FN1: variants seen among roughly 807,000 people sequenced by gnomAD.
FN1 encodes the protein fibronectin 1, also known as fibronectin.
FN1 carries 106 observed loss-of-function variants against 297.3 expected under a neutral mutation model. The ratio of observed to expected loss-of-function variants is 0.36; its 90% CI spans 0.30 to 0.42. The LOEUF (loss-of-function observed/expected upper bound fraction) is 0.42, where lower values mean the gene tolerates loss of function less well. Ranked by LOEUF, FN1 falls within the 10% of genes least tolerant of loss-of-function variation. The pLI is 1.00. For synonymous variants in FN1, 1,149 were observed against 1,152.6 expected, an observed-to-expected ratio of 1.00 and a Z score of 0.06; for missense variants, 2,690 against 3,124.9, an observed-to-expected ratio of 0.86 and a Z score of 3.32.
At position 215,379,189 on chromosome 2, in the gene FN1, G is replaced by C; in HGVS notation, c.5563C>G (p.Pro1855Ala). 1 of 1,613,960 alleles carries C rather than the reference G, an allele frequency of 6.2e-7. No homozygotes were observed. ...GGAGCAAGGTTGATTTCTTTCATTG[G>C]TCCGGTCTTCTCCTTGGGGGTCACC... The part of the protein sequence containing the change: ...VRVTPKEKTG[P>A]MKEINLAPDS... Residue 1855 changes from proline to alanine, a missense_variant, in exon 34 of 46, where the codon CCA (proline) becomes GCA (alanine). Transcript: ENST00000354785.
At chr2:215,401,422 A>T (rs2106209635) in intron 20 of FN1, among the ~76,000 whole-genome samples, 1 of 152,334 alleles carries the variant, frequency 6.6e-6, no homozygotes, top group South Asian at 2.1e-4. Context: ...AAATCTTATT[A>T]TAAATGTAGA....
intron 14 of FN1, 86 bp from the exon 15 acceptor site, chr2:215,409,825 T>G (rs761897592): frequency 1.3e-6 from 2 of 1,591,266 alleles, no homozygotes; most frequent in Admixed American, 1.7e-5. Context: ...TTAAAAAACG[T>G]TGGTGCCCCT....
intron 42 of FN1, among the ~76,000 whole-genome samples, chr2:215,366,153 A>T (rs1020544169): frequency 6.6e-6 from 1 of 151,820 alleles, no homozygotes; most frequent in Admixed American, 6.6e-5. Context: ...TTAAAATATT[A>T]TTTTTTATCA....
rs752546438 is a variant in FN1 at position 215,428,360 on chromosome 2, T to C, written c.686-22A>G. 10 of 1,612,334 alleles carry C rather than the reference T, an allele frequency of 6.2e-6. No individual in the cohort carries two copies. The South Asian group carries it at 1.1e-4, about 18-fold the overall frequency. ...CTATCTGTGTCACAAAGGAAGCACA[T>C]ACATACATCAGGTCGAGAGTCGCAA... On this transcript the variant is annotated intron_variant, in intron 5 of 45. Coordinates refer to ENST00000354785, the MANE Select transcript of FN1 (RefSeq NM_212482.4).
At position 215,365,608 on chromosome 2, in the gene FN1, C is replaced by G. The variant is rs764525665; in HGVS notation, c.7041G>C (p.Val2347=). 3 of 1,614,042 alleles carry G rather than the reference C, an allele frequency of 1.9e-6. No individual in the cohort carries two copies. Among genetic ancestry groups the G allele is most frequent in the Non-Finnish European group, 2.5e-6 (3 of 1,179,952 alleles). The change falls in exon 43 of 46, where the codon GTG becomes GTC. Residue 2347 remains valine, a synonymous_variant. Coordinates refer to ENST00000354785, the MANE Select transcript of FN1 (RefSeq NM_212482.4). ...CCCACTTCTCTCCAATCTTGTAGTT[C>G]ACACCATTGTCATGGCACCATCCTG... ...DSSRWCHDNG[V]NYKIGEKWDR...
rs750242501 is a variant in FN1 at position 215,425,276 on chromosome 2, G to C, written c.854C>G (p.Pro285Arg). ...AACAGCTGCACGAACATCGGTGAAG[G>C]GGCCAGATCCTAATGGCATGAAAAG... ...SVQTTSSGSGPFTDVRAAVYQ... is the reference protein window; with the variant it reads ...SVQTTSSGSGRFTDVRAAVYQ... Residue 285 changes from proline (P) to arginine (R), a missense_variant, in exon 7 of 46, where the codon CCC becomes CGC. Physicochemically the swap from Pro to Arg is moderately radical, Grantham distance 103. Coordinates refer to ENST00000354785, the MANE Select transcript of FN1 (RefSeq NM_212482.4). The C allele has an allele frequency of 1.9e-6, 3 of 1,614,070 alleles. No homozygotes were observed. Among genetic ancestry groups the C allele is most frequent in the East Asian group, 2.2e-5 (1 of 44,878 alleles).
chr2:215,409,130 G>A (rs1234500205), intron 15 of FN1, among the ~76,000 whole-genome samples: 3 of 152,070 alleles, frequency 2.0e-5, no homozygotes, highest in African/African-American at 7.2e-5. Context: ...CACTTTATAA[G>A]AATTCAAATT....
At position 215,361,317 on chromosome 2, in the gene FN1, A is replaced by G. The variant is rs2053400747; in HGVS notation, c.*238T>C. On this transcript the variant is annotated 3_prime_UTR_variant, in exon 46 of 46. Coordinates refer to ENST00000354785, the MANE Select transcript of FN1 (RefSeq NM_212482.4). ...CACTTCATTTAAAATACTGAGCGGT[A>G]TTGAATACTTCGAAGCAGAACAGGC... 5.6e-6 allele frequency: 3 copies of G among 533,890 alleles called. No individual in the cohort carries two copies. The South Asian group carries it at 6.2e-5, about 11-fold the overall frequency. The allele number at this position is 533,890 out of a possible 1,614,324, so 33.1% of individuals were successfully genotyped here.
In FN1 at chr2:215,435,859, C is replaced by T. The variant is rs2067394355; in HGVS notation, c.-57G>A. Reference sequence around the variant, plus strand: ...GGGAGGCAAGTTGCCACCAAGTTTGCTTCCCTTCGCAACCTGCGGGAAAAA... The same window carrying T: ...GGGAGGCAAGTTGCCACCAAGTTTGTTTCCCTTCGCAACCTGCGGGAAAAA... On this transcript the variant is annotated 5_prime_UTR_variant, in exon 1 of 46. Transcript: ENST00000354785. The T allele has an allele frequency of 6.7e-7, 1 of 1,499,808 alleles. No homozygotes were observed. Among genetic ancestry groups the T allele is most frequent in the Non-Finnish European group, 8.9e-7 (1 of 1,126,664 alleles). The allele number at this position is 1,499,808 out of a possible 1,614,324, so 92.9% of individuals were successfully genotyped here. A position where few individuals can be genotyped will look rare whatever the true frequency, so the allele number is the denominator to read the frequency against.
chr2:215,362,107 T>C (rs549165594), intron 44 of FN1, 28 bp from the exon 45 acceptor site: 2 of 1,542,644 alleles, frequency 1.3e-6, no homozygotes, highest in Admixed American at 1.7e-5. Flanking sequence ...TGAAGTCAAA[T>C]GGGGTTTATG....
chr2:215,392,222 T>A (rs543472488), intron 25 of FN1: 4 of 223,540 alleles, frequency 1.8e-5, no homozygotes, highest in Non-Finnish European at 2.7e-5. Flanking sequence ...GGTCCTAAAC[T>A]TCCCCCCATG....
At chr2:215,400,159 G>A (rs2060824793) in intron 20 of FN1, among the ~76,000 whole-genome samples, 1 of 151,588 alleles carries the variant, frequency 6.6e-6, no homozygotes, top group African/African-American at 2.4e-5. Flanking sequence ...TTGCACTCCA[G>A]CCTGGGTGAC....
rs1210562490 is a variant in FN1, at chr2:215,372,094, T to C, written c.6529A>G (p.Ile2177Val). ...ACATCTTCCCTGGGGATGTGACCAA[T>C]TTGGATTTCCTCACCTACATTCGGC... ...YPPNVGEEIQ[I>V]GHIPREDVDY... is the part of the protein sequence containing the mutation. Residue 2177 changes from isoleucine to valine, a missense_variant, in exon 40 of 46, where the codon ATT becomes GTT. Coordinates refer to ENST00000354785, the MANE Select transcript of FN1 (RefSeq NM_212482.4). 6.2e-7 allele frequency: 1 copy of C among 1,614,212 alleles called. No individual in the cohort carries two copies. The highest frequency in any genetic ancestry group is 1.7e-5 in the Admixed American group (1 of 60,034).
At chr2:215,424,387 C>G in intron 7 of FN1, 62 bp from the exon 8 acceptor site, 1 of 1,383,504 alleles carries the variant, frequency 7.2e-7, no homozygotes, top group Admixed American at 1.7e-5. Context: ...CCAGCAGCTG[C>G]TTATTTATGG....
At chr2:215,397,565 A>G (rs1405690869) in intron 22 of FN1, 115 bp downstream of exon 22, 2 of 863,540 alleles carry the variant, frequency 2.3e-6, no homozygotes, top group South Asian at 1.4e-5. Context: ...ATAAGTAAGG[A>G]TAAGATATCT....
rs2054397123 is a variant in FN1, at chr2:215,365,692, T to C, written c.7019-62A>G. Reference sequence around the variant, plus strand: ...TTGTATATTCTGACTCACAAGACAGTAGGTGAACTGGGACGTGTCACAGGG... The same window carrying C: ...TTGTATATTCTGACTCACAAGACAGCAGGTGAACTGGGACGTGTCACAGGG... On this transcript the variant is annotated intron_variant, in intron 42 of 45. Transcript: ENST00000354785. The C allele has an allele frequency of 2.6e-6, 4 of 1,549,168 alleles. No homozygotes were observed. In the Admixed American group the frequency reaches 6.7e-5, roughly 26 times the overall value.
At position 215,383,028 on chromosome 2, in the gene FN1, A is replaced by G. The variant is rs2058425722; in HGVS notation, c.5050+300T>C. 2.1e-5 allele frequency among the ~76,000 whole-genome samples: 3 copies of G among 145,146 alleles called. No individual in the cohort carries two copies. In the Admixed American group the frequency reaches 2.1e-4, roughly 10 times the overall value. On this transcript the variant is annotated intron_variant, in intron 31 of 45. Coordinates refer to ENST00000354785, the MANE Select transcript of FN1 (RefSeq NM_212482.4). ...TTTTTTTTTTTTTTCCCTGAGATGGAGTCTCTCACTCTGTCACCCAGGCTG... is the reference window on the plus strand; with the variant it reads ...TTTTTTTTTTTTTTCCCTGAGATGGGGTCTCTCACTCTGTCACCCAGGCTG...
chr2:215,388,836 T>C lies in FN1; in HGVS notation c.4253-535A>G, dbSNP rs538429302. Among the ~76,000 whole-genome samples, 18 of 152,268 alleles carry C rather than the reference T, an allele frequency of 1.2e-4. No individual in the cohort carries two copies. The East Asian group carries it at 2.3e-3, about 20-fold the overall frequency. The stretch of plus-strand genomic sequence containing the variant: ...ACCTATCACCTCTAAAAATTTGATT[T>C]ACTACAATTATCTCCATTTTGTAAA... On this transcript the variant is annotated intron_variant, in intron 26 of 45. Transcript: ENST00000354785.
intron 18 of FN1, 38 bp downstream of exon 18, chr2:215,407,089 A>G (rs7592898): frequency 5.4e-6 from 8 of 1,493,260 alleles, no homozygotes; most frequent in African/African-American, 1.4e-5. Flanking sequence ...AACAATCCTG[A>G]TAAGATAACA....
Sources: allele counts gnomAD v4.1 joint callset (sites outside exome capture counted in the v4.1 genomes callset), GRCh38; gene constraint gnomAD v4.1.1; transcripts MANE v1.5; gene names NCBI Gene and HGNC (gene_info 2026-07-23, HGNC 2026-07-21).